WSB1: variants seen among roughly 807,000 people sequenced by gnomAD.
The protein encoded by WSB1 is WD repeat and SOCS box containing 1, also known as WD repeat and SOCS box-containing protein 1.
In WSB1, 23 loss-of-function variants were observed where a neutral mutation model predicts 50.2. That is an observed-to-expected ratio of 0.46 (90% CI 0.33 to 0.65). The LOEUF (loss-of-function observed/expected upper bound fraction) is 0.65. WSB1 is among the 30% of genes least tolerant of loss of function. The pLI, the probability that WSB1 is intolerant of heterozygous loss-of-function variation, is 0.02. For synonymous variants in WSB1, 179 were observed against 172.0 expected (o/e 1.04, Z -0.32); for missense variants, 492 against 522.3 (o/e 0.94, Z 0.56).
rs2017767562 is a variant in WSB1 at position 27,313,481 on chromosome 17, G to T, written c.*1112G>T. 1 of 151,786 alleles carries T rather than the reference G, an allele frequency of 6.6e-6. No individual in the cohort carries two copies. Among genetic ancestry groups the T allele is most frequent in the African/African-American group, 2.4e-5 (1 of 41,242 alleles). The allele number at this position is 151,786 out of a possible 1,614,324, so 9.4% of individuals were successfully genotyped here. Reference sequence around the variant, plus strand: ...CTCTGTTTCTGCAGGGGATGATATTGGTGAGTTGCCAAAGAAGCAATACAG... The same window carrying T: ...CTCTGTTTCTGCAGGGGATGATATTTGTGAGTTGCCAAAGAAGCAATACAG... On this transcript the variant is annotated 3_prime_UTR_variant, in exon 9 of 9. Coordinates refer to ENST00000262394, the MANE Select transcript of WSB1 (RefSeq NM_015626.10).
Position 27,298,796 on chromosome 17 carries a change from G to A in WSB1, c.41-2992G>A, listed in dbSNP as rs112376508. On this transcript the variant is annotated intron_variant, in intron 1 of 8. Transcript: ENST00000262394. ...GGAGAATTGCTTGAACCCAGGAGGC[G>A]GAGGTTACAGTGAGCCAAGATCAAG... Among the ~76,000 whole-genome samples, 523 of 152,148 alleles carry A rather than the reference G, an allele frequency of 3.4e-3. 5 individuals are homozygous for A. Among genetic ancestry groups the A allele is most frequent in the Non-Finnish European group, 3.1e-3 (209 of 67,982 alleles).
At chr17:27,295,492 T>G (rs1364830195) in intron 1 of WSB1, among the ~76,000 whole-genome samples, 2 of 152,078 alleles carry the variant, frequency 1.3e-5, no homozygotes, top group Non-Finnish European at 2.9e-5. Context: ...TTAGGGATGA[T>G]TGATTAGGAA....
At chr17:27,296,364 A>T (rs554979770) in intron 1 of WSB1, among the ~76,000 whole-genome samples, 8 of 151,662 alleles carry the variant, frequency 5.3e-5, no homozygotes, top group African/African-American at 1.9e-4. Context: ...TTTTAACCCC[A>T]GTTTTTTTCT....
chr17:27,301,988 T>C lies in WSB1; in HGVS notation c.209+32T>C, dbSNP rs200624475. The C allele has an allele frequency of 2.0e-6, 3 of 1,515,080 alleles. No homozygotes were observed. The East Asian group carries it at 7.0e-5, about 36-fold the overall frequency. 93.9% of individuals were successfully genotyped at this position (1,515,080 alleles called of 1,614,324 possible). ...CTGTTACTTTTCTGTATTTTGTATC[T>C]GTTTGTGGAATTTACCATTTTCTCT... On this transcript the variant is annotated intron_variant, in intron 2 of 8. Coordinates refer to ENST00000262394, the MANE Select transcript of WSB1 (RefSeq NM_015626.10).
chr17:27,305,274 T>A (rs1018677133), intron 4 of WSB1, among the ~76,000 whole-genome samples: 3 of 152,254 alleles, frequency 2.0e-5, no homozygotes, highest in Admixed American at 2.0e-4. Flanking sequence ...AGTGAAAATT[T>A]AGGTAGGTCT....
At chr17:27,302,094 A>T in intron 2 of WSB1, 138 bp downstream of exon 2, 1 of 1,114,886 alleles carries the variant, frequency 9.0e-7, no homozygotes, top group Non-Finnish European at 1.2e-6. Flanking sequence ...TGGGCTGAAT[A>T]TATTTATTGG....
chr17:27,298,769 CAGG>C (rs1393837401), intron 1 of WSB1, among the ~76,000 whole-genome samples: 1 of 152,022 alleles, frequency 6.6e-6, no homozygotes, highest in Non-Finnish European at 1.5e-5. Context: ...GAGGCTGAGG[CAGG>C]AGAATTGCTT....
In WSB1 at chr17:27,312,352, C is replaced by G. The variant is rs763421465; in HGVS notation, c.1249C>G (p.Leu417Val). The change falls in exon 9 of 9, where the codon CTC becomes GTC. Residue 417 changes from leucine (L) to valine (V), a missense_variant. By Grantham distance (32) the Leu-to-Val change is conservative. Coordinates refer to ENST00000262394, the MANE Select transcript of WSB1 (RefSeq NM_015626.10). The part of the protein sequence containing the change: ...LPIPSKLLEF[L>V]SYRI ...GATTCCTTCCAAGCTTTTGGAGTTT[C>G]TCTCGTATCGTATTTAGAAGATTCT... The G allele has an allele frequency of 1.2e-6, 2 of 1,614,110 alleles. No homozygotes were observed. Among genetic ancestry groups the G allele is most frequent in the Admixed American group, 1.7e-5 (1 of 59,982 alleles).
chr17:27,298,451 G>A (rs2017081397), intron 1 of WSB1, among the ~76,000 whole-genome samples: 2 of 152,192 alleles, frequency 1.3e-5, no homozygotes, highest in South Asian at 4.1e-4. Context: ...GCCTGATGCA[G>A]TGGGTCATGC....
chr17:27,295,222 TGGG>T (rs930815164), intron 1 of WSB1, among the ~76,000 whole-genome samples: 7 of 152,156 alleles, frequency 4.6e-5, no homozygotes, highest in Non-Finnish European at 1.0e-4. Context: ...TTGACGGTGT[TGGG>T]GGGTGCTGTA....
chr17:27,309,330 G>T (rs1266269372), intron 6 of WSB1, 58 bp downstream of exon 6: 1 of 1,340,954 alleles, frequency 7.5e-7, no homozygotes, highest in Non-Finnish European at 1.0e-6. Context: ...CAAGTTATGT[G>T]AATAATTACA....
At position 27,296,091 on chromosome 17, in the gene WSB1, C is replaced by A. The variant is rs1390722209; in HGVS notation, c.40+1656C>A. 2.0e-5 allele frequency among the ~76,000 whole-genome samples: 3 copies of A among 152,276 alleles called. No individual in the cohort carries two copies. The South Asian group carries it at 6.2e-4, about 32-fold the overall frequency. ...TCAGGTGATCGCCCACCTCTGCCTC[C>A]CAAAGTGCTAGGATTACGGGCGTGA... On this transcript the variant is annotated intron_variant, in intron 1 of 8. Coordinates refer to ENST00000262394, the MANE Select transcript of WSB1 (RefSeq NM_015626.10).
At chr17:27,296,112 C>T (rs2016964475) in intron 1 of WSB1, among the ~76,000 whole-genome samples, 1 of 152,104 alleles carries the variant, frequency 6.6e-6, no homozygotes, top group Non-Finnish European at 1.5e-5. Context: ...GGATTACGGG[C>T]GTGAGCCACC....
Position 27,309,204 on chromosome 17 carries a change from T to C in WSB1, c.816T>C (p.Ala272=). Residue 272 remains alanine (A), a synonymous_variant, in exon 6 of 9, where the codon GCT becomes GCC. Coordinates refer to ENST00000262394, the MANE Select transcript of WSB1 (RefSeq NM_015626.10). ...TTTCTCCTGATGGAGCATTACTGGC[T>C]ACTGCATCTTATGATACTCGAGTAT... is the stretch of plus-strand genomic sequence containing the variant. ...CDFSPDGALL[A]TASYDTRVYI... is the part of the protein sequence containing the mutation. 6.2e-7 allele frequency: 1 copy of C among 1,613,370 alleles called. No homozygotes were observed. Among genetic ancestry groups the C allele is most frequent in the Non-Finnish European group, 8.5e-7 (1 of 1,179,650 alleles).
Position 27,304,825 on chromosome 17 carries a change from A to T in WSB1, c.524A>T (p.Asp175Val). The change falls in exon 4 of 9, where the codon GAT (aspartate) becomes GTT (valine). Residue 175 changes from aspartate to valine, a missense_variant. Asp to Val is a radical substitution (Grantham distance 152, BLOSUM62 -3). Coordinates refer to ENST00000262394, the MANE Select transcript of WSB1 (RefSeq NM_015626.10). ...GTAGATCATACTGAAGTGGTCAGAG[A>T]TTTAACTTTTGCTCCAGATGGAAGC... ...NLVDHTEVVR[D>V]LTFAPDGSLI... 6.2e-7 allele frequency: 1 copy of T among 1,614,040 alleles called. No individual in the cohort carries two copies. The highest frequency in any genetic ancestry group is 8.5e-7 in the Non-Finnish European group (1 of 1,179,982).
intron 1 of WSB1, among the ~76,000 whole-genome samples, chr17:27,299,271 G>A (rs1337648547): frequency 6.6e-6 from 1 of 152,178 alleles, no homozygotes; most frequent in East Asian, 1.9e-4. Context: ...AGTACTTTGG[G>A]AGGCTGAAGG....
intron 5 of WSB1, chr17:27,308,354 T>C (rs2017540050): frequency 1.0e-6 from 1 of 985,376 alleles, no homozygotes; most frequent in Admixed American, 6.1e-5. Context: ...TACTGATCTT[T>C]AGAATCTAAA....
intron 5 of WSB1, chr17:27,307,403 G>C (rs1221384915): frequency 3.0e-6 from 1 of 338,362 alleles, no homozygotes; most frequent in African/African-American, 2.1e-5. Flanking sequence ...TAAAGTGACT[G>C]TTAAGAGGGT....
intron 3 of WSB1, among the ~76,000 whole-genome samples, chr17:27,304,557 AAAAAAAAG>A (rs1333874184): frequency 4.7e-5 from 7 of 148,638 alleles, no homozygotes; most frequent in Non-Finnish European, 1.0e-4. Flanking sequence ...AAAAAAAAAA[AAAAAAAAG>A]GCCAGCCGTG....
Sources: allele counts gnomAD v4.1 joint callset (sites outside exome capture counted in the v4.1 genomes callset), GRCh38; gene constraint gnomAD v4.1.1; transcripts MANE v1.5; gene names NCBI Gene and HGNC (gene_info 2026-07-23, HGNC 2026-07-21).